The following KCNIP4 variants were observed in gnomAD, a reference collection of about 807,000 sequenced individuals.
KCNIP4 encodes potassium voltage-gated channel interacting protein 4.
In KCNIP4, 12 loss-of-function variants were observed where a neutral mutation model predicts 34.0. The observed-to-expected ratio is 0.35, with a 90% confidence interval of 0.23 to 0.57. The LOEUF is 0.57. Among genes scored for constraint, KCNIP4 ranks in the 20% least tolerant of loss-of-function variants. KCNIP4 has a pLI of 0.83. For missense variants in KCNIP4, 238 were observed against 311.7 expected (o/e 0.76, Z 1.78); for synonymous variants, 124 against 102.2 (o/e 1.21, Z -1.29).
rs115598504 is a variant in KCNIP4, at chr4:21,654,541, C to T, written c.61+294030G>A. Among the ~76,000 whole-genome samples, 552 of 151,832 alleles carry T rather than the reference C, an allele frequency of 3.6e-3. 3 individuals are homozygous for T. Among genetic ancestry groups the T allele is most frequent in the African/African-American group, 0.013 (529 of 41,380 alleles). The stretch of plus-strand genomic sequence containing the variant: ...AGATACCTAAAGTTGTTTGATACCT[C>T]TAGATAAAAGGGCTGTGCCATCTTG... On this transcript the variant is annotated intron_variant, in intron 1 of 8. Coordinates refer to ENST00000382152, the MANE Select transcript of KCNIP4 (RefSeq NM_025221.6).
intron 1 of KCNIP4, among the ~76,000 whole-genome samples, chr4:21,528,702 A>G (rs1277258612): frequency 0.017 from 4 of 234 alleles, 1 homozygote; most frequent in Admixed American, 0.083. Flanking sequence ...AAAGAAAGAA[A>G]GAAAGAAAGA....
chr4:21,759,781 A>G (rs1717917619), intron 1 of KCNIP4, among the ~76,000 whole-genome samples: 1 of 152,062 alleles, frequency 6.6e-6, no homozygotes, highest in Non-Finnish European at 1.5e-5. Context: ...TCTCATGGCC[A>G]TTATCTTGCC....
intron 1 of KCNIP4, among the ~76,000 whole-genome samples, chr4:20,918,244 G>A: frequency 6.6e-6 from 1 of 151,920 alleles, no homozygotes; most frequent in East Asian, 1.9e-4. Context: ...AAATGTTCTA[G>A]GGCCTCACAA....
chr4:21,831,517 T>C (rs552897440), intron 1 of KCNIP4, among the ~76,000 whole-genome samples: 3 of 151,824 alleles, frequency 2.0e-5, no homozygotes, highest in Admixed American at 6.6e-5. Flanking sequence ...GAGTCTACTA[T>C]GAACAATTAT....
At chr4:21,418,118 G>C (rs1001522476) in intron 1 of KCNIP4, among the ~76,000 whole-genome samples, 16 of 151,632 alleles carry the variant, frequency 1.1e-4, no homozygotes, top group Non-Finnish European at 1.9e-4. Context: ...AACTGTGAAG[G>C]CTCTGTGATG....
chr4:21,799,563 C>G (rs1720862332), intron 1 of KCNIP4, among the ~76,000 whole-genome samples: 1 of 152,084 alleles, frequency 6.6e-6, no homozygotes, highest in Non-Finnish European at 1.5e-5. Flanking sequence ...TATATATTCA[C>G]TTTCAAATTG....
chr4:20,847,025 T>C (rs1341765204), intron 3 of KCNIP4, among the ~76,000 whole-genome samples: 2 of 152,164 alleles, frequency 1.3e-5, no homozygotes, highest in East Asian at 1.9e-4. Flanking sequence ...GCATCCTTCC[T>C]AATATATAAT....
At chr4:21,681,334 T>C (rs150372075) in intron 1 of KCNIP4, among the ~76,000 whole-genome samples, 1,657 of 152,232 alleles carry the variant, frequency 0.011, 29 homozygotes, top group African/African-American at 0.038. Context: ...CTCAAATTCC[T>C]GGGCTCAAGT....
chr4:21,339,607 A>C lies in KCNIP4; in HGVS notation c.62-456898T>G, dbSNP rs549644135. On this transcript the variant is annotated intron_variant, in intron 1 of 8. Transcript: ENST00000382152. ...GATAAATAGAAAGGGAATAGGTGGG[A>C]AAATTAGGAAGACATAGTGGGGAAA... Among the ~76,000 whole-genome samples, 4 of 152,262 alleles carry C rather than the reference A, an allele frequency of 2.6e-5. 1 individual carries two copies. In the South Asian group the frequency reaches 8.3e-4, roughly 32 times the overall value.
chr4:21,052,225 C>A (rs2108950213), intron 1 of KCNIP4, among the ~76,000 whole-genome samples: 1 of 152,198 alleles, frequency 6.6e-6, no homozygotes. Flanking sequence ...CATGCTCATG[C>A]CCTTTTCTAA....
At chr4:20,997,031 G>A (rs1180564372) in intron 1 of KCNIP4, among the ~76,000 whole-genome samples, 2 of 151,532 alleles carry the variant, frequency 1.3e-5, no homozygotes, top group African/African-American at 2.4e-5. Context: ...TTATTAAGTA[G>A]TGCAGTGGGT....
intron 1 of KCNIP4, among the ~76,000 whole-genome samples, chr4:21,570,139 C>A (rs1740252112): frequency 6.6e-6 from 1 of 152,204 alleles, no homozygotes; most frequent in Non-Finnish European, 1.5e-5. Context: ...TTCCTACTGG[C>A]AAAATCTACC....
At chr4:20,958,400 C>T (rs181317281) in intron 1 of KCNIP4, among the ~76,000 whole-genome samples, 5 of 152,254 alleles carry the variant, frequency 3.3e-5, no homozygotes, top group Non-Finnish European at 7.4e-5. Flanking sequence ...CAATAGAAAC[C>T]CTTTGCATTC....
intron 1 of KCNIP4, among the ~76,000 whole-genome samples, chr4:21,351,657 T>C (rs1718011569): frequency 6.6e-6 from 1 of 152,166 alleles, no homozygotes; most frequent in South Asian, 2.1e-4. Context: ...AATGAGATCA[T>C]GAGGGTTGGC....
At chr4:21,834,180 T>G (rs932729664) in intron 1 of KCNIP4, among the ~76,000 whole-genome samples, 44 of 152,246 alleles carry the variant, frequency 2.9e-4, no homozygotes, top group East Asian at 1.9e-3. Context: ...AATTACCTTG[T>G]GCAGTATGGC....
chr4:20,926,114 C>T (rs571781842), intron 1 of KCNIP4, among the ~76,000 whole-genome samples: 3 of 152,278 alleles, frequency 2.0e-5, no homozygotes, highest in South Asian at 4.2e-4. Flanking sequence ...CCTTATCAGA[C>T]AGCAAATAAA....
intron 1 of KCNIP4, among the ~76,000 whole-genome samples, chr4:20,946,264 C>G (rs1732182401): frequency 6.6e-6 from 1 of 152,130 alleles, no homozygotes; most frequent in South Asian, 2.1e-4. Flanking sequence ...GCCAGAGTGA[C>G]TACTCTGAGA....
At chr4:20,988,964 C>T (rs1203876987) in intron 1 of KCNIP4, among the ~76,000 whole-genome samples, 1 of 152,182 alleles carries the variant, frequency 6.6e-6, no homozygotes, top group Non-Finnish European at 1.5e-5. Context: ...ACAAATAAGC[C>T]TTATATTCCA....
intron 1 of KCNIP4, among the ~76,000 whole-genome samples, chr4:21,202,760 A>G (rs1318816385): frequency 6.6e-6 from 1 of 152,142 alleles, no homozygotes; most frequent in Admixed American, 6.5e-5. Flanking sequence ...ATGGATCTCT[A>G]TACCTCTAGT....
Sources: allele counts gnomAD v4.1 joint callset (sites outside exome capture counted in the v4.1 genomes callset), GRCh38; gene constraint gnomAD v4.1.1; transcripts MANE v1.5; gene names NCBI Gene and HGNC (gene_info 2026-07-23, HGNC 2026-07-21).